The following RB1CC1 variants were observed in gnomAD, a reference collection of about 807,000 sequenced individuals.
The protein encoded by RB1CC1 is RB1-inducible coiled-coil protein 1.
A neutral mutation model predicts 177.5 loss-of-function variants in RB1CC1; 46 were observed. That is an observed-to-expected ratio of 0.26 (90% CI 0.20 to 0.33). The LOEUF is 0.33. RB1CC1 is among the 10% of genes least tolerant of loss of function. The pLI is 1.00. For synonymous variants in RB1CC1, 666 were observed against 613.6 expected (o/e 1.09, Z -1.26); for missense variants, 1,703 against 1,816.3 (o/e 0.94, Z 1.13).
intron 15 of RB1CC1, among the ~76,000 whole-genome samples, chr8:52,646,568 T>C (rs1329597267): frequency 6.6e-6 from 1 of 152,200 alleles, no homozygotes; most frequent in Non-Finnish European, 1.5e-5. Context: ...TTAATTTCCA[T>C]AAAATAGTCT....
rs116015712 is a variant in RB1CC1, at chr8:52,658,311, G to A, written c.1794-187C>T. 5.4e-3 allele frequency among the ~76,000 whole-genome samples: 827 copies of A among 152,208 alleles called. 7 individuals are homozygous for A. Among genetic ancestry groups the A allele is most frequent in the African/African-American group, 0.019 (795 of 41,524 alleles). On this transcript the variant is annotated intron_variant, in intron 13 of 23. Coordinates refer to ENST00000025008, the MANE Select transcript of RB1CC1 (RefSeq NM_014781.5). Reference sequence around the variant, plus strand: ...TAAAAACTTAGGGCCGGGCGTGGTGGATCACACCTATAATCCAAGCACTTT... The same window carrying A: ...TAAAAACTTAGGGCCGGGCGTGGTGAATCACACCTATAATCCAAGCACTTT...
At chr8:52,671,251 G>A (rs966291128) in intron 7 of RB1CC1, among the ~76,000 whole-genome samples, 1 of 152,098 alleles carries the variant, frequency 6.6e-6, no homozygotes, top group African/African-American at 2.4e-5. Flanking sequence ...TCCTGAGAAA[G>A]ACATTTTAAT....
At chr8:52,628,633 CAGGTGCTTAATT>C (rs1340842084) in intron 21 of RB1CC1, among the ~76,000 whole-genome samples, 2 of 152,178 alleles carry the variant, frequency 1.3e-5, no homozygotes, top group Non-Finnish European at 2.9e-5. Flanking sequence ...GTCCAGAAGT[CAGGTGCTTAATT>C]AGGTCTAAAC....
chr8:52,647,109 A>G (rs113369229), intron 15 of RB1CC1, among the ~76,000 whole-genome samples: 26 of 152,294 alleles, frequency 1.7e-4, no homozygotes, highest in East Asian at 7.7e-4. Context: ...TTATATGACA[A>G]GAATACACTA....
intron 15 of RB1CC1, among the ~76,000 whole-genome samples, chr8:52,654,079 A>C (rs1179506999): frequency 6.6e-6 from 1 of 152,210 alleles, no homozygotes; most frequent in Non-Finnish European, 1.5e-5. Context: ...TCCTGTCCAG[A>C]AGACATGGAG....
chr8:52,691,973 G>A (rs1854907839), intron 1 of RB1CC1, among the ~76,000 whole-genome samples: 1 of 152,156 alleles, frequency 6.6e-6, no homozygotes, highest in Non-Finnish European at 1.5e-5. Context: ...ATAATGCTAA[G>A]TAGCTTTACA....
At chr8:52,659,359 G>A (rs1050201453) in intron 12 of RB1CC1, among the ~76,000 whole-genome samples, 5 of 152,004 alleles carry the variant, frequency 3.3e-5, no homozygotes, top group Non-Finnish European at 7.4e-5. Flanking sequence ...ATATTAAAAT[G>A]CACACATGTA....
Position 52,635,007 on chromosome 8 carries a change from A to C in RB1CC1, c.4393-39T>G, listed in dbSNP as rs1188000961. 10 of 1,537,910 alleles carry C rather than the reference A, an allele frequency of 6.5e-6. No homozygotes were observed. In the Middle Eastern group the frequency reaches 5.1e-4, roughly 78 times the overall value. On this transcript the variant is annotated intron_variant, in intron 19 of 23. Transcript: ENST00000025008. ...AAAGAGACCTGTGGTTTATCCTTGT[A>C]CCTACTCAAATAAATCTAAACAGTG...
chr8:52,628,190 T>C, intron 21 of RB1CC1, 22 bp from the exon 22 acceptor site: 1 of 1,601,942 alleles, frequency 6.2e-7, no homozygotes, highest in Non-Finnish European at 8.5e-7. Context: ...AATGCAATTT[T>C]ATTGACTTAG....
intron 20 of RB1CC1, among the ~76,000 whole-genome samples, chr8:52,634,590 CAA>C (rs777828815): frequency 2.0e-5 from 3 of 151,912 alleles, no homozygotes; most frequent in Non-Finnish European, 4.4e-5. Flanking sequence ...TATTAATCTT[CAA>C]AAGACTTATG....
chr8:52,678,935 T>C (rs1249875534), intron 5 of RB1CC1, among the ~76,000 whole-genome samples: 1 of 152,108 alleles, frequency 6.6e-6, no homozygotes, highest in African/African-American at 2.4e-5. Context: ...TAAAGATGTC[T>C]TTGCCTGCTT....
At chr8:52,683,462 A>G in intron 5 of RB1CC1, 87 bp downstream of exon 5, 2 of 1,186,460 alleles carry the variant, frequency 1.7e-6, no homozygotes, top group Non-Finnish European at 2.2e-6. Flanking sequence ...AACTTTTTGC[A>G]TACTTCCTAT....
chr8:52,670,742 T>G (rs1852494746), intron 7 of RB1CC1, among the ~76,000 whole-genome samples: 1 of 152,134 alleles, frequency 6.6e-6, no homozygotes. Flanking sequence ...ATCCCAGCAC[T>G]TTGGGAGGCA....
At chr8:52,649,546 C>T (rs530029810) in intron 15 of RB1CC1, among the ~76,000 whole-genome samples, 13 of 152,246 alleles carry the variant, frequency 8.5e-5, no homozygotes, top group African/African-American at 1.7e-4. Context: ...AAAATCTCTT[C>T]TATCACTTGA....
chr8:52,645,968 T>A, intron 15 of RB1CC1, 101 bp from the exon 16 acceptor site: 1 of 1,159,822 alleles, frequency 8.6e-7, no homozygotes, highest in East Asian at 2.4e-5. Flanking sequence ...AGCTCAATAA[T>A]GTAGCATGAA....
Position 52,645,809 on chromosome 8 carries a change from T to C in RB1CC1, c.3880A>G (p.Lys1294Glu). Residue 1294 changes from lysine to glutamate, a missense_variant, in exon 16 of 24, where the codon AAG becomes GAG. Coordinates refer to ENST00000025008, the MANE Select transcript of RB1CC1 (RefSeq NM_014781.5). Reference protein sequence around the residue: ...SSSLVAELQEKLQEEKAKFLE... With the variant: ...SSSLVAELQEELQEEKAKFLE... ...AACTTAGCTTTTTCTTCCTGAAGCTTTTCTTGAAGTTCAGCAACTAAGCTT... is the reference window on the plus strand; with the variant it reads ...AACTTAGCTTTTTCTTCCTGAAGCTCTTCTTGAAGTTCAGCAACTAAGCTT... The C allele has an allele frequency of 6.2e-7, 1 of 1,610,628 alleles. No individual in the cohort carries two copies. The highest frequency in any genetic ancestry group is 8.5e-7 in the Non-Finnish European group (1 of 1,179,092).
chr8:52,708,947 A>G (rs1327749195), intron 1 of RB1CC1, among the ~76,000 whole-genome samples: 1 of 152,038 alleles, frequency 6.6e-6, no homozygotes, highest in Non-Finnish European at 1.5e-5. Flanking sequence ...AGTCCACTTT[A>G]TATGCCACCC....
chr8:52,678,989 C>T (rs1314294552), intron 5 of RB1CC1, among the ~76,000 whole-genome samples: 1 of 152,032 alleles, frequency 6.6e-6, no homozygotes, highest in Non-Finnish European at 1.5e-5. Context: ...AACAAGACAC[C>T]ATCTTGATGA....
chr8:52,667,243 C>G (rs1394134102), intron 8 of RB1CC1, among the ~76,000 whole-genome samples: 1 of 152,052 alleles, frequency 6.6e-6, no homozygotes, highest in Non-Finnish European at 1.5e-5. Flanking sequence ...AAAGGACATT[C>G]TAATTTATAT....
Sources: allele counts gnomAD v4.1 joint callset (sites outside exome capture counted in the v4.1 genomes callset), GRCh38; gene constraint gnomAD v4.1.1; transcripts MANE v1.5; gene names NCBI Gene and HGNC (gene_info 2026-07-23, HGNC 2026-07-21).